Variants in MTUS1 observed in about 807,000 individuals in gnomAD.
MTUS1 encodes microtubule-associated tumor suppressor 1.
In MTUS1, 109 loss-of-function variants were observed where a neutral mutation model predicts 120.8. The observed-to-expected ratio is 0.90, with a 90% CI of 0.77 to 1.06. The LOEUF (loss-of-function observed/expected upper bound fraction) is 1.06, where lower values mean the gene tolerates loss of function less well. MTUS1 is among the 50% of genes least tolerant of loss of function. The pLI is 0.00. For missense variants in MTUS1, 2,210 were observed against 1,486.3 expected (o/e 1.49, Z -8.01); for synonymous variants, 737 against 550.5 (o/e 1.34, Z -4.74).
chr8:17,721,739 A>T (rs770363937), intron 4 of MTUS1: 1 of 1,591,284 alleles, frequency 6.3e-7, no homozygotes, highest in East Asian at 2.2e-5. Context: ...GTGGCTAACA[A>T]AGGAATTATA....
chr8:17,762,987 C>A, intron 1 of MTUS1, among the ~76,000 whole-genome samples: 1 of 110,894 alleles, frequency 9.0e-6, no homozygotes, highest in East Asian at 2.8e-4. Flanking sequence ...GCTTTCACAT[C>A]CAATGGTACC....
intron 8 of MTUS1, among the ~76,000 whole-genome samples, chr8:17,656,810 G>T (rs541012173): frequency 6.6e-6 from 1 of 151,610 alleles, no homozygotes; most frequent in Non-Finnish European, 1.5e-5. Context: ...GGTGGCTCAC[G>T]CCTGTAATCC....
At position 17,665,656 on chromosome 8, in the gene MTUS1, C is replaced by T. The variant is rs574915557; in HGVS notation, c.2905+9530G>A. ...AATTACTGGCTTGAGCCACTATGCC[C>T]GGCCCTAGAACTCCAGCCTCTTTGA... On this transcript the variant is annotated intron_variant, in intron 8 of 14. Coordinates refer to ENST00000693296, the MANE Select transcript of MTUS1 (RefSeq NM_001363059.2). Among the ~76,000 whole-genome samples the T allele has an allele frequency of 2.5e-3, 374 of 152,198 alleles. 1 individual carries two copies. Among genetic ancestry groups the T allele is most frequent in the Admixed American group, 4.5e-3 (68 of 15,280 alleles).
intron 1 of MTUS1, among the ~76,000 whole-genome samples, chr8:17,759,852 G>A (rs1198610291): frequency 6.6e-6 from 1 of 151,550 alleles, no homozygotes; most frequent in Non-Finnish European, 1.5e-5. Flanking sequence ...AAATAAAGAA[G>A]CCATCAACCA....
At chr8:17,766,992 A>G (rs916904847) in intron 1 of MTUS1, among the ~76,000 whole-genome samples, 4 of 152,158 alleles carry the variant, frequency 2.6e-5, no homozygotes, top group African/African-American at 9.7e-5. Context: ...TTTGAGAATT[A>G]TATGACCAGT....
chr8:17,688,212 A>G (rs1273471961), intron 6 of MTUS1, among the ~76,000 whole-genome samples: 2 of 152,208 alleles, frequency 1.3e-5, no homozygotes, highest in Non-Finnish European at 2.9e-5. Flanking sequence ...CTACTCACTC[A>G]CTCATGAAAT....
intron 1 of MTUS1, among the ~76,000 whole-genome samples, chr8:17,764,890 AG>A (rs1431936903): frequency 3.3e-5 from 5 of 152,118 alleles, no homozygotes; most frequent in African/African-American, 1.2e-4. Flanking sequence ...GACCAGGAGG[AG>A]GGGGAGGATT....
chr8:17,699,187 A>G (rs190908282), intron 6 of MTUS1, among the ~76,000 whole-genome samples: 70 of 152,236 alleles, frequency 4.6e-4, no homozygotes, highest in African/African-American at 1.7e-3. Context: ...TTCTTCAGTA[A>G]CAGCAAATTC....
At position 17,645,963 on chromosome 8, in the gene MTUS1, G is replaced by A. The variant is rs148435996; in HGVS notation, c.3776C>T (p.Ser1259Leu). The A allele has an allele frequency of 2.0e-5, 32 of 1,612,980 alleles. No homozygotes were observed. Among genetic ancestry groups the A allele is most frequent in the Admixed American group, 8.3e-5 (5 of 59,976 alleles). ...SAIPLQSPRN[S>L]GSFPSPSISP... Reference sequence around the variant, plus strand: ...AATGCTGGGGCTAGGGAAGGAGCCCGAATTCCTTGGTGACTGCAAAGGGAT... The same window carrying A: ...AATGCTGGGGCTAGGGAAGGAGCCCAAATTCCTTGGTGACTGCAAAGGGAT... The change falls in exon 15 of 15, where the codon TCG becomes TTG. Residue 1259 changes from serine to leucine, a missense_variant. By Grantham distance (145) the Ser-to-Leu change is moderately radical (BLOSUM62 -2). Transcript: ENST00000693296.
chr8:17,725,738 C>A (rs1050428077), intron 3 of MTUS1, among the ~76,000 whole-genome samples: 29 of 152,194 alleles, frequency 1.9e-4, no homozygotes, highest in African/African-American at 6.3e-4. Context: ...TAACCCAATA[C>A]AAATTCATAA....
At chr8:17,721,729 G>A (rs1177036881) in intron 4 of MTUS1, 7 of 1,576,910 alleles carry the variant, frequency 4.4e-6, no homozygotes, top group East Asian at 2.3e-5. Context: ...CCCAGTAAAC[G>A]TGGCTAACAA....
In MTUS1 at chr8:17,754,467, C is replaced by T. The variant is rs761790276; in HGVS notation, c.1341G>A (p.Ala447=). The change falls in exon 2 of 15, where the codon GCG becomes GCA. Residue 447 remains alanine, a synonymous_variant. Transcript: ENST00000693296. Reference sequence around the variant, plus strand: ...TCTCCACTTTCTTACATTTCTCCGTCGCTTCAATCGGTGAAACAGAAAAGG... The same window carrying T: ...TCTCCACTTTCTTACATTTCTCCGTTGCTTCAATCGGTGAAACAGAAAAGG... ...KVTFSVSPIE[A]TEKCKKVEKG... 3.3e-5 allele frequency: 54 copies of T among 1,614,156 alleles called. No homozygotes were observed. Among genetic ancestry groups the T allele is most frequent in the Admixed American group, 5.0e-5 (3 of 60,020 alleles).
At chr8:17,774,148 C>A (rs974415794) in intron 1 of MTUS1, among the ~76,000 whole-genome samples, 1 of 152,176 alleles carries the variant, frequency 6.6e-6, no homozygotes, top group Non-Finnish European at 1.5e-5. Context: ...TAGATAAACG[C>A]TACTAACAGC....
chr8:17,754,892 C>G lies in MTUS1; in HGVS notation c.916G>C (p.Ala306Pro), dbSNP rs2131342073. 2 of 1,614,214 alleles carry G rather than the reference C, an allele frequency of 1.2e-6. No homozygotes were observed. The highest frequency in any genetic ancestry group is 1.7e-6 in the Non-Finnish European group (2 of 1,180,038). Residue 306 changes from alanine (A) to proline (P), a missense_variant, in exon 2 of 15, where the codon GCA becomes CCA. Coordinates refer to ENST00000693296, the MANE Select transcript of MTUS1 (RefSeq NM_001363059.2). Reference protein sequence around the residue: ...SDGMEVPNDSALQEFFCLSHD... With the variant: ...SDGMEVPNDSPLQEFFCLSHD... ...GATAAACAAAAGAACTCTTGTAATG[C>G]AGAATCATTGGGGACTTCCATGCCA...
intron 12 of MTUS1, among the ~76,000 whole-genome samples, chr8:17,650,993 G>A (rs904098082): frequency 1.3e-5 from 2 of 152,208 alleles, no homozygotes; most frequent in Non-Finnish European, 2.9e-5. Context: ...ATCCAGGAAG[G>A]GGCCTCGGGG....
chr8:17,795,458 C>A (rs114029084), intron 1 of MTUS1, among the ~76,000 whole-genome samples: 3,985 of 152,222 alleles, frequency 0.026, 184 homozygotes, highest in African/African-American at 0.092. Context: ...AGAATAAGGT[C>A]ATTTAATGGT....
At chr8:17,790,923 G>A (rs2051729304) in intron 1 of MTUS1, among the ~76,000 whole-genome samples, 1 of 152,088 alleles carries the variant, frequency 6.6e-6, no homozygotes, top group South Asian at 2.1e-4. Flanking sequence ...GGAGGTGGAG[G>A]TTGCAGTCAG....
Position 17,743,724 on chromosome 8 carries a change from CT to C in MTUS1, c.2166del (p.Ile722MetfsTer15). ...SKPDSCGLRQIAAPKAKVGPP... is the reference protein window; with the variant it reads ...SKPDSCGLRQXAAPKAKVGPP... ...GGCCCCACTTTGGCTTTTGGAGCAG[CT>C]ATTTGCCTCAAACCGCAGGAGTCAG... On this transcript the variant is annotated frameshift_variant, in exon 3 of 15. Transcript: ENST00000693296. LOFTEE classifies it high-confidence loss of function. The C allele has an allele frequency of 6.2e-7, 1 of 1,614,174 alleles. No individual in the cohort carries two copies. The highest frequency in any genetic ancestry group is 8.5e-7 in the Non-Finnish European group (1 of 1,180,038).
intron 1 of MTUS1, among the ~76,000 whole-genome samples, chr8:17,770,970 GT>G (rs2049979693): frequency 6.6e-6 from 1 of 152,118 alleles, no homozygotes; most frequent in Non-Finnish European, 1.5e-5. Context: ...GAATATTCCA[GT>G]GATTTGGATA....
Sources: gnomAD v4.1 joint callset for allele counts (sites outside exome capture counted in the v4.1 genomes callset) on GRCh38, gnomAD v4.1.1 for gene constraint, MANE v1.5 for transcripts, NCBI Gene and HGNC (gene_info 2026-07-23, HGNC 2026-07-21) for gene names.